The following ADGRG2 variants were observed in gnomAD, a reference collection of about 807,000 sequenced individuals.
ADGRG2 encodes adhesion G protein-coupled receptor G2, also known as G protein-coupled receptor 64.
ADGRG2 carries 26 observed loss-of-function variants against 74.1 expected under a neutral mutation model. That is an observed-to-expected ratio of 0.35 (90% confidence interval 0.26 to 0.49). The LOEUF is 0.49. ADGRG2 is among the 20% of genes least tolerant of loss of function. The probability of loss-of-function intolerance (pLI) is 0.99; values close to 1 mark genes in which losing one functional copy is unlikely to be tolerated. For synonymous variants in ADGRG2, 296 were observed against 295.2 expected, an observed-to-expected ratio of 1.00 and a Z score of -0.03; for missense variants, 619 against 763.1, an observed-to-expected ratio of 0.81 and a Z score of 2.22.
intron 26 of ADGRG2, among the ~76,000 whole-genome samples, chrX:18,997,501 T>C (rs1040671905): frequency 2.7e-5 from 3 of 112,400 alleles, no homozygotes; most frequent in Non-Finnish European, 5.6e-5. Flanking sequence ...TCTATTACTT[T>C]CAGTATTGCC....
intron 2 of ADGRG2, among the ~76,000 whole-genome samples, chrX:19,069,374 G>A (rs1476645884): frequency 9.1e-6 from 1 of 109,764 alleles, no homozygotes; most frequent in African/African-American, 3.3e-5. Context: ...TGTTTTTTTT[G>A]AGACGGAGTT....
At chrX:19,028,491 C>T (rs1295561153) in intron 9 of ADGRG2, among the ~76,000 whole-genome samples, 1 of 111,419 alleles carries the variant, frequency 9.0e-6, no homozygotes, top group Non-Finnish European at 1.9e-5. Flanking sequence ...GACTTTGACT[C>T]TATCTGGAAA....
chrX:19,045,166 T>C (rs2061151666), intron 3 of ADGRG2, among the ~76,000 whole-genome samples: 1 of 110,775 alleles, frequency 9.0e-6, no homozygotes, highest in Non-Finnish European at 1.9e-5. Flanking sequence ...TCACAGATCA[T>C]TGCTTGTAGA....
intron 3 of ADGRG2, among the ~76,000 whole-genome samples, chrX:19,052,800 A>C (rs1569108636): frequency 9.2e-6 from 1 of 108,921 alleles, no homozygotes; most frequent in Admixed American, 9.9e-5. Flanking sequence ...AACAATTCTC[A>C]TGCCTCAGCC....
intron 1 of ADGRG2, among the ~76,000 whole-genome samples, chrX:19,093,045 T>C (rs1449312381): frequency 1.8e-5 from 2 of 111,585 alleles, no homozygotes; most frequent in Non-Finnish European, 3.8e-5. Flanking sequence ...GGTGCCCAAA[T>C]AGAAAAGGGG....
Position 18,994,909 on chromosome X carries a change from G to A in ADGRG2, c.2856C>T (p.His952=), listed in dbSNP as rs370127099. The A allele has an allele frequency of 2.2e-5, 26 of 1,197,449 alleles. No homozygotes were observed. The highest frequency in any genetic ancestry group is 7.0e-5 in the African/African-American group (4 of 57,010). ...TLLVNNDCSV[H]ASGNGNASTE... ...AGACATACATACCATTCCCGCTTGC[G>A]TGTACTGAGCAATCATTATTCACTA... Residue 952 remains histidine, a synonymous_variant, in exon 28 of 29, where the codon CAC becomes CAT. Coordinates refer to ENST00000379869, the MANE Select transcript of ADGRG2 (RefSeq NM_001079858.3).
chrX:19,007,424 A>G, intron 19 of ADGRG2, 67 bp from the exon 20 acceptor site: 1 of 987,508 alleles, frequency 1.0e-6, no homozygotes, highest in South Asian at 2.0e-5. Flanking sequence ...AGGAACACTA[A>G]GGAATATTCA....
At chrX:19,000,569 G>A (rs1220538413) in intron 24 of ADGRG2, among the ~76,000 whole-genome samples, 2 of 111,451 alleles carry the variant, frequency 1.8e-5, no homozygotes, top group Non-Finnish European at 3.8e-5. Flanking sequence ...CTTTTTGCCT[G>A]CAAACTTAGG....
At chrX:19,013,158 A>T (rs1240257720) in intron 16 of ADGRG2, among the ~76,000 whole-genome samples, 2 of 109,949 alleles carry the variant, frequency 1.8e-5, no homozygotes, top group Non-Finnish European at 3.8e-5. Flanking sequence ...CAGCTCTGTC[A>T]CTCTGTGACT....
intron 2 of ADGRG2, among the ~76,000 whole-genome samples, chrX:19,073,794 T>C (rs2061690124): frequency 8.9e-6 from 1 of 111,881 alleles, no homozygotes; most frequent in Admixed American, 9.5e-5. Context: ...CACTATGATA[T>C]AGACAATGAT....
Position 19,035,990 on chromosome X carries a change from A to G in ADGRG2, c.227-13T>C, listed in dbSNP as rs749772740. 2.3e-6 allele frequency: 2 copies of G among 886,141 alleles called. No homozygotes were observed. Among genetic ancestry groups the G allele is most frequent in the Non-Finnish European group, 3.3e-6 (2 of 614,545 alleles). 73.0% of individuals were successfully genotyped at this position (886,141 alleles called of 1,213,427 possible). A position where few individuals can be genotyped will look rare whatever the true frequency, so the allele number is the denominator to read the frequency against. On this transcript the variant is annotated splice_polypyrimidine_tract_variant and intron_variant, in intron 6 of 28. Coordinates refer to ENST00000379869, the MANE Select transcript of ADGRG2 (RefSeq NM_001079858.3). ...CTTAAAGTAACATCTGAAATAAAATAATAAAAATTAGCATAACTACTGGCA... is the reference window on the plus strand; with the variant it reads ...CTTAAAGTAACATCTGAAATAAAATGATAAAAATTAGCATAACTACTGGCA...
In ADGRG2 at chrX:19,055,962, G is replaced by C. The variant is rs747636736; in HGVS notation, c.118+12755C>G. Among the ~76,000 whole-genome samples, 3 of 110,017 alleles carry C rather than the reference G, an allele frequency of 2.7e-5. No individual in the cohort carries two copies. In the East Asian group the frequency reaches 8.6e-4, roughly 31 times the overall value. ...TTGGCCAGGCTGGTCTCGAACCCCTGACCTCAGGTGATCCACCCTCCTTGA... is the reference window on the plus strand; with the variant it reads ...TTGGCCAGGCTGGTCTCGAACCCCTCACCTCAGGTGATCCACCCTCCTTGA... On this transcript the variant is annotated intron_variant, in intron 3 of 28. Coordinates refer to ENST00000379869, the MANE Select transcript of ADGRG2 (RefSeq NM_001079858.3).
chrX:19,119,964 T>C lies in ADGRG2; in HGVS notation c.-47+2478A>G, dbSNP rs754741619. ...TTTTCTGTATTTCCAACATTTCTTT[T>C]TTCTAGAAAAATACACACACCTGGA... On this transcript the variant is annotated intron_variant, in intron 1 of 28. Transcript: ENST00000379869. Among the ~76,000 whole-genome samples the C allele has an allele frequency of 3.4e-4, 38 of 112,346 alleles. No individual in the cohort carries two copies. The South Asian group carries it at 0.013, about 38-fold the overall frequency.
At chrX:19,009,103 C>T (rs1430699521) in intron 18 of ADGRG2, among the ~76,000 whole-genome samples, 3 of 111,204 alleles carry the variant, frequency 2.7e-5, no homozygotes, top group Admixed American at 9.6e-5. Context: ...ATGCCACATT[C>T]CAAAATTCAG....
At chrX:19,114,355 AAAAC>A (rs1449189573) in intron 1 of ADGRG2, among the ~76,000 whole-genome samples, 1 of 110,985 alleles carries the variant, frequency 9.0e-6, no homozygotes, top group Non-Finnish European at 1.9e-5. Context: ...GGAGAATGGA[AAAAC>A]AAACCCACTA....
At chrX:19,070,685 G>A (rs868579335) in intron 2 of ADGRG2, among the ~76,000 whole-genome samples, 24 of 112,103 alleles carry the variant, frequency 2.1e-4, no homozygotes, top group Middle Eastern at 9.3e-3. Flanking sequence ...CAGAGCTCTC[G>A]GCCAAGGGCA....
At chrX:18,999,371 T>G (rs1424867732) in intron 25 of ADGRG2, 92 bp from the exon 26 acceptor site, 1 of 795,094 alleles carries the variant, frequency 1.3e-6, no homozygotes, top group African/African-American at 2.1e-5. Context: ...AACATTTTAC[T>G]GAAACATTTT....
intron 1 of ADGRG2, among the ~76,000 whole-genome samples, chrX:19,109,808 G>A (rs1467822469): frequency 8.9e-6 from 1 of 111,960 alleles, no homozygotes; most frequent in African/African-American, 3.2e-5. Flanking sequence ...TTGTAGTTAG[G>A]AGGGCCAGGA....
At chrX:19,053,360 G>A (rs771054180) in intron 3 of ADGRG2, among the ~76,000 whole-genome samples, 2 of 110,613 alleles carry the variant, frequency 1.8e-5, no homozygotes, top group South Asian at 3.9e-4. Flanking sequence ...CGGGGCGGAG[G>A]GGGGGTCACT....
Sources: allele counts gnomAD v4.1 joint callset (sites outside exome capture counted in the v4.1 genomes callset), GRCh38; gene constraint gnomAD v4.1.1; transcripts MANE v1.5; gene names NCBI Gene and HGNC (gene_info 2026-07-23, HGNC 2026-07-21).